The following EDA2R variants were observed in gnomAD, a reference collection of about 807,000 sequenced individuals.
The protein encoded by EDA2R is ectodysplasin A2 receptor, also known as tumor necrosis factor receptor superfamily member 27.
A neutral mutation model predicts 20.1 loss-of-function variants in EDA2R; 26 were observed. The observed-to-expected ratio is 1.30, with a 90% CI of 0.95 to 1.80. The LOEUF is 1.80. Ranked by LOEUF, EDA2R falls within the 40% of genes most tolerant of loss-of-function variation. The pLI is 0.00. For synonymous variants in EDA2R, 114 were observed against 88.7 expected (o/e 1.29, Z -1.60); for missense variants, 277 against 228.7 (o/e 1.21, Z -1.36).
At chrX:66,632,448 G>A (rs774428946) in intron 1 of EDA2R, among the ~76,000 whole-genome samples, 2 of 107,836 alleles carry the variant, frequency 1.9e-5, no homozygotes, top group Admixed American at 2.0e-4. Flanking sequence ...AGGAGGAGGA[G>A]GAGGAGGAGG....
intron 2 of EDA2R, among the ~76,000 whole-genome samples, chrX:66,612,077 T>A (rs1257079252): frequency 1.8e-5 from 2 of 111,608 alleles, no homozygotes; most frequent in Admixed American, 9.5e-5. Flanking sequence ...TTATATCCAG[T>A]GAAAGTATCC....
intron 1 of EDA2R, among the ~76,000 whole-genome samples, chrX:66,619,526 G>A (rs937157296): frequency 8.9e-6 from 1 of 111,926 alleles, no homozygotes; most frequent in Non-Finnish European, 1.9e-5. Flanking sequence ...GGTTATGGCT[G>A]CTCAAGAACA....
chrX:66,617,020 G>C (rs1242067626), intron 1 of EDA2R, among the ~76,000 whole-genome samples: 1 of 112,235 alleles, frequency 8.9e-6, no homozygotes, highest in Non-Finnish European at 1.9e-5. Flanking sequence ...AGGGGCTAAA[G>C]TAATTCATAA....
chrX:66,611,964 A>T (rs1298720108), intron 2 of EDA2R, among the ~76,000 whole-genome samples: 1 of 111,834 alleles, frequency 8.9e-6, no homozygotes, highest in Non-Finnish European at 1.9e-5. Flanking sequence ...AAAAACACCC[A>T]TTCAAATGAT....
chrX:66,633,841 C>A (rs1330372362), intron 1 of EDA2R, among the ~76,000 whole-genome samples: 1 of 111,835 alleles, frequency 8.9e-6, no homozygotes, highest in Non-Finnish European at 1.9e-5. Context: ...GTATTGAATT[C>A]ATGGTATGAT....
At chrX:66,634,988 T>A (rs190859761) in intron 1 of EDA2R, among the ~76,000 whole-genome samples, 2 of 112,204 alleles carry the variant, frequency 1.8e-5, no homozygotes, top group African/African-American at 6.5e-5. Context: ...AAGTAGGACA[T>A]CTCAGTGTCT....
chrX:66,596,168 T>G lies in EDA2R; in HGVS notation c.*1936A>C, dbSNP rs1927419361. ...GTATGTTGAAAATGTTTTTATCAAG[T>G]GTACTTTGTTCTTCCACTGACCAAT... On this transcript the variant is annotated 3_prime_UTR_variant, in exon 7 of 7. Coordinates refer to ENST00000374719, the MANE Select transcript of EDA2R (RefSeq NM_021783.5). 1.8e-5 allele frequency: 2 copies of G among 110,912 alleles called. No individual in the cohort carries two copies. 9.1% of individuals were successfully genotyped at this position (110,912 alleles called of 1,213,427 possible). A position where few individuals can be genotyped will look rare whatever the true frequency, so the allele number is the denominator to read the frequency against.
chrX:66,638,522 G>A (rs962343586), intron 1 of EDA2R, among the ~76,000 whole-genome samples: 1 of 110,563 alleles, frequency 9.0e-6, no homozygotes. Context: ...GCGGGTGAGG[G>A]GGTGGATTGA....
Position 66,598,064 on chromosome X carries a change from C to A in EDA2R, c.*40G>T. On this transcript the variant is annotated 3_prime_UTR_variant, in exon 7 of 7. Coordinates refer to ENST00000374719, the MANE Select transcript of EDA2R (RefSeq NM_021783.5). Reference sequence around the variant, plus strand: ...TAGGAACAGAGTCCAGAGAGAACAACTGGGCAAGGCTGCCAGGGGCCCAAG... The same window carrying A: ...TAGGAACAGAGTCCAGAGAGAACAAATGGGCAAGGCTGCCAGGGGCCCAAG... 2 of 965,684 alleles carry A rather than the reference C, an allele frequency of 2.1e-6. No homozygotes were observed. The highest frequency in any genetic ancestry group is 4.1e-5 in the South Asian group (2 of 48,949). 79.6% of individuals were successfully genotyped at this position (965,684 alleles called of 1,213,427 possible).
chrX:66,607,458 A>G (rs781623662), intron 2 of EDA2R, among the ~76,000 whole-genome samples: 8 of 110,900 alleles, frequency 7.2e-5, no homozygotes, highest in Non-Finnish European at 1.5e-4. Flanking sequence ...TGCCAAAAAT[A>G]CAAAAATTAG....
chrX:66,623,025 C>T (rs1387282870), intron 1 of EDA2R, among the ~76,000 whole-genome samples: 1 of 111,834 alleles, frequency 8.9e-6, no homozygotes, highest in Non-Finnish European at 1.9e-5. Context: ...ATCTCTTAGA[C>T]CAGTGGTTCT....
At chrX:66,613,218 G>T (rs906919606) in intron 2 of EDA2R, among the ~76,000 whole-genome samples, 15 of 111,549 alleles carry the variant, frequency 1.3e-4, no homozygotes, top group African/African-American at 4.5e-4. Flanking sequence ...ATACTAAAAT[G>T]AAACAAAATT....
intron 5 of EDA2R, among the ~76,000 whole-genome samples, chrX:66,601,413 G>A (rs1367454276): frequency 1.8e-5 from 2 of 111,721 alleles, no homozygotes; most frequent in Non-Finnish European, 3.8e-5. Flanking sequence ...AGTAGACTTT[G>A]AGAAAAATCA....
chrX:66,638,757 G>A (rs1303535828), intron 1 of EDA2R, among the ~76,000 whole-genome samples: 1 of 111,121 alleles, frequency 9.0e-6, no homozygotes. Flanking sequence ...GGTCCAGTAA[G>A]AGCCTACAGG....
intron 2 of EDA2R, among the ~76,000 whole-genome samples, chrX:66,610,637 C>T (rs1239560954): frequency 8.9e-6 from 1 of 111,899 alleles, no homozygotes; most frequent in Non-Finnish European, 1.9e-5. Context: ...AACTACAATG[C>T]ATGAGGATGC....
chrX:66,604,230 G>A (rs1055017159), intron 4 of EDA2R, among the ~76,000 whole-genome samples, 191 bp downstream of exon 4: 8 of 111,991 alleles, frequency 7.1e-5, no homozygotes, highest in African/African-American at 1.9e-4. Flanking sequence ...AGGAAATGAG[G>A]TTCAATGAGA....
intron 1 of EDA2R, among the ~76,000 whole-genome samples, chrX:66,632,044 C>T (rs1057111707): frequency 9.0e-6 from 1 of 111,375 alleles, no homozygotes; most frequent in East Asian, 2.8e-4. Flanking sequence ...AAAAAAAAAT[C>T]CTACGCTCTA....
intron 1 of EDA2R, among the ~76,000 whole-genome samples, chrX:66,633,632 G>A (rs1267879728): frequency 9.0e-6 from 1 of 111,347 alleles, no homozygotes; most frequent in Non-Finnish European, 1.9e-5. Flanking sequence ...AAGCCAGACC[G>A]GCACTCAGCT....
At position 66,599,488 on chromosome X, in the gene EDA2R, G is replaced by A. The variant is rs867206262; in HGVS notation, c.890C>T (p.Pro297Leu). 1 of 1,158,274 alleles carries A rather than the reference G, an allele frequency of 8.6e-7. No homozygotes were observed. Among genetic ancestry groups the A allele is most frequent in the South Asian group, 2.0e-5 (1 of 50,054 alleles). Residue 297 changes from proline to leucine, a missense_variant, in exon 6 of 7, where the codon CCT becomes CTT. Transcript: ENST00000374719. Reference sequence around the variant, plus strand: ...TTCCAGCTCACCTCATTAGAGTTAAGGGCTGGGAACTTCAAAGGGCACATT... The same window carrying A: ...TTCCAGCTCACCTCATTAGAGTTAAAGGCTGGGAACTTCAAAGGGCACATT... ...ELNVPFEVPS[P>L]
Sources: allele counts gnomAD v4.1 joint callset (sites outside exome capture counted in the v4.1 genomes callset), GRCh38; gene constraint gnomAD v4.1.1; transcripts MANE v1.5; gene names NCBI Gene and HGNC (gene_info 2026-07-23, HGNC 2026-07-21).